The following EFCAB6 variants were observed in gnomAD, a reference collection of about 807,000 sequenced individuals.
EFCAB6 encodes the protein EF-hand calcium-binding domain-containing protein 6.
EFCAB6 carries 156 observed loss-of-function variants against 169.8 expected under a neutral mutation model. The ratio of observed to expected loss-of-function variants is 0.92; its 90% CI spans 0.81 to 1.05. The LOEUF (loss-of-function observed/expected upper bound fraction) is 1.05. Among genes scored for constraint, EFCAB6 ranks in the 50% least tolerant of loss-of-function variants. The pLI, the probability that EFCAB6 is intolerant of heterozygous loss-of-function variation, is 0.00. For synonymous variants in EFCAB6, 698 were observed against 676.4 expected (o/e 1.03, Z -0.50); for missense variants, 1,800 against 1,829.1 (o/e 0.98, Z 0.29).
At chr22:43,677,296 C>T (rs1290267165) in intron 13 of EFCAB6, among the ~76,000 whole-genome samples, 7 of 152,096 alleles carry the variant, frequency 4.6e-5, no homozygotes, top group South Asian at 2.1e-4. Context: ...ACATAGGGTA[C>T]GAAACTCTAA....
rs188308901 is a variant in EFCAB6, at chr22:43,740,892, C to T, written c.508-4899G>A. ...TAAAATGGAGGACATGAGCACGATG[C>T]GCTTTTTTAAAACCCCAGAGCAACC... On this transcript the variant is annotated intron_variant, in intron 6 of 31. Transcript: ENST00000262726. 2.6e-5 allele frequency among the ~76,000 whole-genome samples: 4 copies of T among 152,284 alleles called. No homozygotes were observed. The East Asian group carries it at 5.8e-4, about 22-fold the overall frequency.
intron 3 of EFCAB6, among the ~76,000 whole-genome samples, chr22:43,779,277 A>G (rs1382085336): frequency 6.6e-6 from 1 of 152,214 alleles, no homozygotes; most frequent in East Asian, 1.9e-4. Context: ...AACACTTTAA[A>G]AGGAAACAGT....
intron 18 of EFCAB6, among the ~76,000 whole-genome samples, chr22:43,633,316 A>G (rs182339281): frequency 6.6e-6 from 1 of 152,306 alleles, no homozygotes; most frequent in East Asian, 1.9e-4. Context: ...TTGGGAGGCC[A>G]AGGTGGGCGG....
At chr22:43,536,473 G>C (rs1275173182) in intron 29 of EFCAB6, 1 of 152,192 alleles carries the variant, frequency 6.6e-6, no homozygotes, top group Non-Finnish European at 1.5e-5. Flanking sequence ...TATTAGTCAT[G>C]TGTTGGGGGA....
chr22:43,677,265 TA>T (rs1450762961), intron 13 of EFCAB6, among the ~76,000 whole-genome samples: 2 of 152,202 alleles, frequency 1.3e-5, no homozygotes, highest in Non-Finnish European at 2.9e-5. Flanking sequence ...AATAAGCAGT[TA>T]TTTTTTTAAA....
chr22:43,633,841 T>C (rs1199970178), intron 18 of EFCAB6, among the ~76,000 whole-genome samples: 1 of 152,226 alleles, frequency 6.6e-6, no homozygotes, highest in Admixed American at 6.5e-5. Context: ...GGCCTCCCTC[T>C]GGTTCCTTAC....
At chr22:43,800,558 A>T (rs576617719) in intron 2 of EFCAB6, among the ~76,000 whole-genome samples, 1 of 152,354 alleles carries the variant, frequency 6.6e-6, no homozygotes, top group South Asian at 2.1e-4. Context: ...AATTTTAAGG[A>T]AACTCTGTGA....
chr22:43,617,433 T>C (rs1372861930), intron 20 of EFCAB6, among the ~76,000 whole-genome samples: 2 of 152,176 alleles, frequency 1.3e-5, no homozygotes, highest in Non-Finnish European at 2.9e-5. Flanking sequence ...TGCCCCCTAC[T>C]TTTCACACCC....
At position 43,554,864 on chromosome 22, in the gene EFCAB6, C is replaced by CT; in HGVS notation, c.3648+4dup. On this transcript the variant is annotated splice_donor_region_variant and intron_variant, in intron 27 of 31. Transcript: ENST00000262726. ...GCAGGGTGAGGACTGACTGGCGTTT[C>CT]TTACCTGTTCGTCCGTCAGGATTTG... The CT allele has an allele frequency of 1.2e-6, 2 of 1,614,042 alleles. No homozygotes were observed. Among genetic ancestry groups the CT allele is most frequent in the African/African-American group, 2.7e-5 (2 of 75,054 alleles).
chr22:43,803,637 T>A (rs888959758), intron 2 of EFCAB6, among the ~76,000 whole-genome samples: 2 of 152,080 alleles, frequency 1.3e-5, no homozygotes, highest in African/African-American at 4.8e-5. Flanking sequence ...TATAAATATA[T>A]ATGCACACCA....
At chr22:43,681,048 G>A (rs1181386311) in intron 12 of EFCAB6, among the ~76,000 whole-genome samples, 2 of 152,232 alleles carry the variant, frequency 1.3e-5, no homozygotes, top group African/African-American at 4.8e-5. Context: ...CTGATCTTAG[G>A]AGGAAGGAGT....
intron 23 of EFCAB6, among the ~76,000 whole-genome samples, chr22:43,595,714 T>C (rs1324299198): frequency 6.6e-6 from 1 of 152,042 alleles, no homozygotes; most frequent in Non-Finnish European, 1.5e-5. Flanking sequence ...TTCAAAAAAA[T>C]TGAAGAGTAG....
rs576389463 is a variant in EFCAB6 at position 43,572,729 on chromosome 22, T to G, written c.3420+3568A>C. Among the ~76,000 whole-genome samples the G allele has an allele frequency of 1.3e-5, 2 of 152,224 alleles. No individual in the cohort carries two copies. The highest frequency in any genetic ancestry group is 4.1e-4 in the South Asian group (2 of 4,824). ...CCTCCCTTCTGCTCTGCTCCATTTT[T>G]CTCCCAGCTGCTGCTGGAACCTGAC... On this transcript the variant is annotated intron_variant, in intron 26 of 31. Coordinates refer to ENST00000262726, the MANE Select transcript of EFCAB6 (RefSeq NM_022785.4). This position sits in a 1 kb window ranked among gnomAD's most constrained non-coding sequence, Gnocchi z 4.0.
intron 16 of EFCAB6, 150 bp from the exon 17 acceptor site, chr22:43,667,422 G>T: frequency 1.0e-6 from 1 of 977,806 alleles, no homozygotes; most frequent in Non-Finnish European, 1.5e-6. Flanking sequence ...TGACTCAGGG[G>T]CTTCTTACCC....
At chr22:43,533,540 G>A (rs1287989407) in intron 30 of EFCAB6, 1 of 152,222 alleles carries the variant, frequency 6.6e-6, no homozygotes, top group African/African-American at 2.4e-5. Flanking sequence ...TAAAAGGAGA[G>A]GAAGAAAATC....
At chr22:43,631,993 T>C (rs2054980317) in intron 19 of EFCAB6, 112 bp downstream of exon 19, 2 of 1,436,724 alleles carry the variant, frequency 1.4e-6, no homozygotes, top group African/African-American at 2.9e-5. Flanking sequence ...ATGCTCTGTG[T>C]CCCTTGGGCT....
rs912808706 is a variant in EFCAB6 at position 43,736,112 on chromosome 22, C to T, written c.508-119G>A. The stretch of plus-strand genomic sequence containing the variant: ...ATAAAATAAAATGTTTTCAAAGACT[C>T]ACAGTGGTAGGCATGGCAAAAATGA... On this transcript the variant is annotated intron_variant, in intron 6 of 31. Coordinates refer to ENST00000262726, the MANE Select transcript of EFCAB6 (RefSeq NM_022785.4). 13 of 1,045,250 alleles carry T rather than the reference C, an allele frequency of 1.2e-5. No homozygotes were observed. In the South Asian group the frequency reaches 2.7e-4, roughly 22 times the overall value. 64.7% of individuals were successfully genotyped at this position (1,045,250 alleles called of 1,614,324 possible). A position where few individuals can be genotyped will look rare whatever the true frequency, so the allele number is the denominator to read the frequency against.
In EFCAB6 at chr22:43,744,083, G is replaced by A. The variant is rs888112172; in HGVS notation, c.508-8090C>T. Among the ~76,000 whole-genome samples the A allele has an allele frequency of 4.1e-5, 6 of 145,168 alleles. No homozygotes were observed. Among genetic ancestry groups the A allele is most frequent in the African/African-American group, 7.9e-5 (3 of 37,770 alleles). On this transcript the variant is annotated intron_variant, in intron 6 of 31. Transcript: ENST00000262726. This position sits in a 1 kb window ranked among gnomAD's most constrained non-coding sequence, Gnocchi z 4.3. The stretch of plus-strand genomic sequence containing the variant: ...TGGATGGATGAACGGATGAATGGAT[G>A]AATGATGAATGAATGAATGAATGAA...
At chr22:43,642,058 A>C (rs1453142386) in intron 17 of EFCAB6, among the ~76,000 whole-genome samples, 1 of 6 alleles carries the variant, frequency 0.17, no homozygotes, top group Non-Finnish European at 0.5. Context: ...CTCCTGCCTC[A>C]AGCCTCCTGA....
Sources: allele counts gnomAD v4.1 joint callset (sites outside exome capture counted in the v4.1 genomes callset), GRCh38; gene constraint gnomAD v4.1.1; non-coding constraint Gnocchi (gnomAD v3.1); transcripts MANE v1.5; gene names NCBI Gene and HGNC (gene_info 2026-07-23, HGNC 2026-07-21).